KIAA1549L: variants seen among roughly 807,000 people sequenced by gnomAD.
The protein encoded by KIAA1549L is UPF0606 protein KIAA1549L.
A neutral mutation model predicts 160.7 loss-of-function variants in KIAA1549L; 88 were observed. The ratio of observed to expected loss-of-function variants is 0.55; its 90% confidence interval spans 0.46 to 0.65. KIAA1549L has a LOEUF of 0.65. KIAA1549L is among the 30% of genes least tolerant of loss of function. KIAA1549L has a pLI of 0.00. For missense variants in KIAA1549L, 2,258 were observed against 2,437.5 expected, an observed-to-expected ratio of 0.93 and a Z score of 1.55; for synonymous variants, 950 against 976.7, an observed-to-expected ratio of 0.97 and a Z score of 0.51.
At position 33,658,793 on chromosome 11, in the gene KIAA1549L, A is replaced by T. The variant is rs752734044; in HGVS notation, c.5902A>T (p.Thr1968Ser). 3 of 1,568,676 alleles carry T rather than the reference A, an allele frequency of 1.9e-6. No individual in the cohort carries two copies. Among genetic ancestry groups the T allele is most frequent in the Non-Finnish European group, 2.6e-6 (3 of 1,157,672 alleles). The change falls in exon 19 of 21, where the codon ACA becomes TCA. Residue 1968 changes from threonine to serine, a missense_variant. Coordinates refer to ENST00000658780, the MANE Select transcript of KIAA1549L (RefSeq NM_012194.3). Reference protein sequence around the residue: ...IGSKTRMAESTGPEPAQLHDS... With the variant: ...IGSKTRMAESSGPEPAQLHDS... ...CAGCAAGACCAGAATGGCCGAGTCT[A>T]CAGGGCCCGAGCCGGCCCAGCTGCA... is the stretch of plus-strand genomic sequence containing the variant.
chr11:33,387,940 A>G (rs1041343636), intron 1 of KIAA1549L, among the ~76,000 whole-genome samples: 9 of 152,212 alleles, frequency 5.9e-5, no homozygotes, highest in African/African-American at 2.2e-4. Flanking sequence ...GAGTTTTCCC[A>G]CAGTTTGCTG....
intron 16 of KIAA1549L, among the ~76,000 whole-genome samples, chr11:33,635,238 A>C (rs1851407648): frequency 6.6e-6 from 1 of 152,232 alleles, no homozygotes; most frequent in African/African-American, 2.4e-5. Flanking sequence ...AGGAGGCATT[A>C]AATGGAGAGA....
intron 1 of KIAA1549L, among the ~76,000 whole-genome samples, chr11:33,435,759 G>GAT (rs71034686): frequency 6.7e-4 from 10 of 14,974 alleles, no homozygotes; most frequent in African/African-American, 1.2e-3. Flanking sequence ...GAACCAATAA[G>GAT]ATATATATAT....
chr11:33,616,948 G>T (rs1178055477), intron 15 of KIAA1549L, among the ~76,000 whole-genome samples: 1 of 152,010 alleles, frequency 6.6e-6, no homozygotes, highest in Admixed American at 6.6e-5. Context: ...AGACCAGCCT[G>T]GGCAACATGG....
chr11:33,558,702 C>T (rs1854731915), intron 6 of KIAA1549L, among the ~76,000 whole-genome samples: 1 of 152,164 alleles, frequency 6.6e-6, no homozygotes, highest in Non-Finnish European at 1.5e-5. Context: ...GAAAAACTAG[C>T]TTCGACAAAA....
At chr11:33,660,782 C>A in intron 19 of KIAA1549L, 81 bp from the exon 20 acceptor site, 1 of 1,420,576 alleles carries the variant, frequency 7.0e-7, no homozygotes, top group Non-Finnish European at 9.7e-7. Context: ...GCCAATGAAA[C>A]TGACTTTATT....
intron 14 of KIAA1549L, among the ~76,000 whole-genome samples, chr11:33,607,771 G>T (rs1184419629): frequency 1.3e-5 from 2 of 152,056 alleles, no homozygotes; most frequent in African/African-American, 4.8e-5. Flanking sequence ...GCAGCATCTG[G>T]GCCACTTATA....
intron 1 of KIAA1549L, among the ~76,000 whole-genome samples, chr11:33,504,168 G>C (rs1416478289): frequency 6.6e-6 from 1 of 152,138 alleles, no homozygotes; most frequent in Non-Finnish European, 1.5e-5. Context: ...GGCTGAGGCA[G>C]GAGAATTGCT....
chr11:33,379,271 C>G (rs1660774464), intron 1 of KIAA1549L, among the ~76,000 whole-genome samples: 1 of 152,168 alleles, frequency 6.6e-6, no homozygotes, highest in Admixed American at 6.5e-5. Context: ...CAGTGTGTTC[C>G]CAGTCTACTT....
At chr11:33,435,958 A>G (rs1387588940) in intron 1 of KIAA1549L, among the ~76,000 whole-genome samples, 2 of 120,216 alleles carry the variant, frequency 1.7e-5, no homozygotes, top group African/African-American at 6.7e-5. Flanking sequence ...GAGCTAAAAT[A>G]TCTAAAAAAA....
intron 10 of KIAA1549L, among the ~76,000 whole-genome samples, chr11:33,580,587 A>AGAAAG (rs770594737): frequency 2.4e-5 from 3 of 127,534 alleles, no homozygotes; most frequent in African/African-American, 1.2e-4. Flanking sequence ...AAAAAAAAAA[A>AGAAAG]AAAAGAAAAG....
rs551911548 is a variant in KIAA1549L, at chr11:33,630,996, G to C, written c.5409+12334G>C. Among the ~76,000 whole-genome samples, 6 of 152,298 alleles carry C rather than the reference G, an allele frequency of 3.9e-5. No homozygotes were observed. The South Asian group carries it at 1.2e-3, about 32-fold the overall frequency. On this transcript the variant is annotated intron_variant, in intron 16 of 20. Coordinates refer to ENST00000658780, the MANE Select transcript of KIAA1549L (RefSeq NM_012194.3). ...TTACTAGTGGAGGAGAGAGGTGGAG[G>C]CACGTGCAACGTACTGTGGCAATGA... is the stretch of plus-strand genomic sequence containing the variant.
intron 16 of KIAA1549L, among the ~76,000 whole-genome samples, chr11:33,641,865 A>G (rs1851596656): frequency 6.6e-6 from 1 of 152,026 alleles, no homozygotes; most frequent in Non-Finnish European, 1.5e-5. Flanking sequence ...ATTAGCTGCT[A>G]TTATTGGTAT....
chr11:33,435,818 G>GTGTATA (rs1554976830), intron 1 of KIAA1549L, among the ~76,000 whole-genome samples: 42 of 45,284 alleles, frequency 9.3e-4, no homozygotes, highest in Non-Finnish European at 1.4e-3. Flanking sequence ...ATATGTGTGT[G>GTGTATA]TATATATATA....
At chr11:33,448,552 C>T (rs1359860793) in intron 1 of KIAA1549L, among the ~76,000 whole-genome samples, 1 of 152,084 alleles carries the variant, frequency 6.6e-6, no homozygotes, top group Admixed American at 6.6e-5. Flanking sequence ...GAGGAGGCTG[C>T]AGGTCTGTGA....
chr11:33,639,489 T>C (rs1228224748), intron 16 of KIAA1549L, among the ~76,000 whole-genome samples: 1 of 152,144 alleles, frequency 6.6e-6, no homozygotes, highest in East Asian at 1.9e-4. Context: ...TAATTCTCCT[T>C]CTAGAAATTT....
At chr11:33,663,453 C>T (rs1378183327) in intron 20 of KIAA1549L, among the ~76,000 whole-genome samples, 1 of 152,172 alleles carries the variant, frequency 6.6e-6, no homozygotes, top group African/African-American at 2.4e-5. Flanking sequence ...TTTCTCATGT[C>T]ATCTTCCCTG....
At chr11:33,562,692 T>TA in intron 8 of KIAA1549L, among the ~76,000 whole-genome samples, 1 of 151,558 alleles carries the variant, frequency 6.6e-6, no homozygotes, top group African/African-American at 2.4e-5. Flanking sequence ...TTTTTTTTTT[T>TA]TTTGAGATAG....
At chr11:33,618,431 G>A (rs1850876363) in intron 15 of KIAA1549L, 102 bp from the exon 16 acceptor site, 9 of 1,029,812 alleles carry the variant, frequency 8.7e-6, no homozygotes, top group South Asian at 6.8e-5. Context: ...GATTTGTGAG[G>A]CAAATCCAAA....
Sources: allele counts gnomAD v4.1 joint callset (sites outside exome capture counted in the v4.1 genomes callset), GRCh38; gene constraint gnomAD v4.1.1; transcripts MANE v1.5; gene names NCBI Gene and HGNC (gene_info 2026-07-23, HGNC 2026-07-21).